Variants in MYO16 observed in about 807,000 individuals in gnomAD.
MYO16 encodes unconventional myosin-XVI.
A neutral mutation model predicts 205.3 loss-of-function variants in MYO16; 94 were observed. The observed-to-expected ratio is 0.46, with a 90% CI of 0.39 to 0.54. MYO16 has a LOEUF of 0.54. Ranked by LOEUF, MYO16 falls within the 20% of genes least tolerant of loss-of-function variation. The pLI, the probability that MYO16 is intolerant of heterozygous loss-of-function variation, is 0.00. For missense variants in MYO16, 2,315 were observed against 2,387.5 expected (o/e 0.97, Z 0.63); for synonymous variants, 988 against 954.0 (o/e 1.04, Z -0.66).
upstream of MYO16, among the ~76,000 whole-genome samples, chr13:108,626,249 A>T (rs1029821007): frequency 7.9e-5 from 12 of 152,222 alleles, no homozygotes; most frequent in African/African-American, 2.9e-4. Flanking sequence ...TTTCTTGATT[A>T]TTCAAAAATG....
intron 23 of MYO16, among the ~76,000 whole-genome samples, chr13:109,027,179 T>C (rs1594483421): frequency 6.6e-6 from 1 of 152,250 alleles, no homozygotes; most frequent in East Asian, 1.9e-4. Context: ...CATTCCTGCC[T>C]TACAGACCCC....
In MYO16 at chr13:108,937,228, T is replaced by C. The variant is rs566288553; in HGVS notation, c.1926-20460T>C. On this transcript the variant is annotated intron_variant, in intron 16 of 34. Transcript: ENST00000457511. ...GCTGAGAAGTCTGCCATTAGCCTGA[T>C]GGGGTTCCCCCTTTGTATATGATCT... 2.4e-4 allele frequency among the ~76,000 whole-genome samples: 37 copies of C among 152,350 alleles called. No homozygotes were observed. The South Asian group carries it at 7.0e-3, about 29-fold the overall frequency.
chr13:108,602,069 C>T (rs1878783782), intron 1 of MYO16, among the ~76,000 whole-genome samples: 1 of 136,694 alleles, frequency 7.3e-6, no homozygotes, highest in Non-Finnish European at 1.5e-5. Context: ...CTAGAGTTTT[C>T]TCTCTCTCTC....
At chr13:108,809,433 A>G (rs896453344) in intron 7 of MYO16, among the ~76,000 whole-genome samples, 1 of 152,158 alleles carries the variant, frequency 6.6e-6, no homozygotes, top group African/African-American at 2.4e-5. Context: ...CAGACTGTAC[A>G]AGCATGGCTC....
At chr13:109,160,257 C>A (rs1878313338) in intron 32 of MYO16, among the ~76,000 whole-genome samples, 1 of 152,184 alleles carries the variant, frequency 6.6e-6, no homozygotes, top group Non-Finnish European at 1.5e-5. Context: ...AGTGATATTT[C>A]AGTTATATAA....
chr13:108,916,421 G>T (rs1881497829), intron 16 of MYO16, among the ~76,000 whole-genome samples: 1 of 152,170 alleles, frequency 6.6e-6, no homozygotes, highest in South Asian at 2.1e-4. Context: ...CTACAAAATG[G>T]CAATACTGTC....
Position 108,712,693 on chromosome 13 carries a change from C to T in MYO16, c.325C>T (p.His109Tyr), listed in dbSNP as rs1397766055. Residue 109 changes from histidine (H) to tyrosine (Y), a missense_variant, in exon 3 of 35, where the codon CAC becomes TAC. Physicochemically the swap from His to Tyr is moderately conservative, Grantham distance 83. Around this residue, in one of 3 missense-constraint regions of MYO16, gnomAD observed 1,213 missense variants for 1,274.4 expected, o/e 0.95. Coordinates refer to ENST00000457511, the MANE Select transcript of MYO16 (RefSeq NM_001198950.3). ...GCTCCTGAAGGAGGGGGCAGACCCC[C>T]ACACCCTCGTCTCCTCGGGAGGGTC... Reference protein sequence around the residue: ...LRLLKEGADPHTLVSSGGSLL... With the variant: ...LRLLKEGADPYTLVSSGGSLL... 1 of 1,614,130 alleles carries T rather than the reference C, an allele frequency of 6.2e-7. No individual in the cohort carries two copies.
Position 109,055,724 on chromosome 13 carries a change from A to G in MYO16, c.3335+129A>G. The G allele has an allele frequency of 1.3e-6, 1 of 748,930 alleles. No homozygotes were observed. The highest frequency in any genetic ancestry group is 2.2e-6 in the Non-Finnish European group (1 of 456,276). 46.4% of individuals were successfully genotyped at this position (748,930 alleles called of 1,614,324 possible). A position where few individuals can be genotyped will look rare whatever the true frequency, so the allele number is the denominator to read the frequency against. On this transcript the variant is annotated intron_variant, in intron 27 of 34. Transcript: ENST00000457511. The surrounding 1 kb of genome is among the most constrained non-coding windows in gnomAD (Gnocchi z 5.0). ...CTGCTTTTGTTGTTTACTTTTTTCT[A>G]TCTCCAATAAACAAAATATTCTGGG... is the stretch of plus-strand genomic sequence containing the variant.
chr13:108,624,137 C>G (rs920449726), intron 1 of MYO16, among the ~76,000 whole-genome samples: 1 of 152,084 alleles, frequency 6.6e-6, no homozygotes, highest in East Asian at 1.9e-4. Context: ...ATTTAATTGC[C>G]TCACAATTCC....
intron 1 of MYO16, among the ~76,000 whole-genome samples, chr13:108,611,753 A>T (rs1879177857): frequency 6.6e-6 from 1 of 152,136 alleles, no homozygotes; most frequent in Non-Finnish European, 1.5e-5. Flanking sequence ...GACTCAGAGA[A>T]GATAAGCTAG....
At chr13:108,997,290 CAGAAAGAA>C (rs1200455422) in intron 21 of MYO16, among the ~76,000 whole-genome samples, 132 of 82,900 alleles carry the variant, frequency 1.6e-3, no homozygotes, top group Middle Eastern at 0.016. Context: ...CAAGACCATG[CAGAAAGAA>C]AGAAAGAAAG....
chr13:108,986,221 A>T (rs1398060542), intron 20 of MYO16, among the ~76,000 whole-genome samples: 1 of 152,194 alleles, frequency 6.6e-6, no homozygotes, highest in Non-Finnish European at 1.5e-5. Context: ...ACAGTTCAAG[A>T]TGAGATTTGG....
In MYO16 at chr13:108,727,348, T is replaced by C. The variant is rs146148302; in HGVS notation, c.364-92T>C. 1.7e-5 allele frequency: 23 copies of C among 1,351,662 alleles called. No homozygotes were observed. The African/African-American group carries it at 2.9e-4, about 17-fold the overall frequency. 83.7% of individuals were successfully genotyped at this position (1,351,662 alleles called of 1,614,324 possible). A position where few individuals can be genotyped will look rare whatever the true frequency, so the allele number is the denominator to read the frequency against. On this transcript the variant is annotated intron_variant, in intron 3 of 34. Coordinates refer to ENST00000457511, the MANE Select transcript of MYO16 (RefSeq NM_001198950.3). ...TTCACCTCTCAACTCCCAAAATTGG[T>C]ATTGAAGTTTTTTTTTAAATCTGTG...
chr13:109,100,942 T>C (rs538953366), intron 28 of MYO16, 55 bp downstream of exon 28: 4 of 1,487,910 alleles, frequency 2.7e-6, no homozygotes, highest in East Asian at 2.3e-5. Context: ...ATAAATGAGC[T>C]GAGTCATTGC....
intron 31 of MYO16, among the ~76,000 whole-genome samples, chr13:109,129,793 C>A (rs958940325): frequency 6.6e-6 from 1 of 152,064 alleles, no homozygotes; most frequent in African/African-American, 2.4e-5. Context: ...TTGAACCCTG[C>A]AAACAGGCTC....
the MYO16 span, among the ~76,000 whole-genome samples, chr13:108,555,657 G>T: frequency 4.6e-5 from 7 of 152,104 alleles, no homozygotes; most frequent in African/African-American, 1.7e-4. Flanking sequence ...GTCATTAACT[G>T]TAATTACCAT....
intron 29 of MYO16, among the ~76,000 whole-genome samples, chr13:109,121,061 A>G (rs1014513710): frequency 6.6e-6 from 1 of 152,214 alleles, no homozygotes; most frequent in Non-Finnish European, 1.5e-5. Flanking sequence ...AAAGAAAAAA[A>G]ATCAAAATTT....
intron 34 of MYO16, among the ~76,000 whole-genome samples, chr13:109,195,523 C>A (rs1312403964): frequency 1.3e-5 from 2 of 152,090 alleles, no homozygotes; most frequent in Non-Finnish European, 1.5e-5. Flanking sequence ...GTTTTATAGA[C>A]TCTGTTTTTT....
chr13:109,059,069 A>G (rs1887503978), intron 27 of MYO16, among the ~76,000 whole-genome samples: 1 of 152,118 alleles, frequency 6.6e-6, no homozygotes, highest in Admixed American at 6.6e-5. Context: ...TTTTGGTTCT[A>G]TTGTTGTTTC....
Sources: gnomAD v4.1 joint callset for allele counts (sites outside exome capture counted in the v4.1 genomes callset) on GRCh38, gnomAD v4.1.1 for gene constraint, gnomAD v4.1.1 regional missense constraint, Gnocchi (gnomAD v3.1) non-coding constraint, MANE v1.5 for transcripts, NCBI Gene and HGNC (gene_info 2026-07-23, HGNC 2026-07-21) for gene names.